BRCA1: variants seen among roughly 807,000 people sequenced by gnomAD.
The protein encoded by BRCA1 is BRCA1 DNA repair associated.
In BRCA1, 140 loss-of-function variants were observed where a neutral mutation model predicts 173.7. The ratio of observed to expected loss-of-function variants is 0.81; its 90% CI spans 0.70 to 0.93. The LOEUF (loss-of-function observed/expected upper bound fraction) is 0.93, where lower values mean the gene tolerates loss of function less well. Ranked by LOEUF, BRCA1 falls within the 40% of genes least tolerant of loss-of-function variation. The pLI, the probability that BRCA1 is intolerant of heterozygous loss-of-function variation, is 0.00. For synonymous variants in BRCA1, 662 were observed against 756.0 expected (o/e 0.88, Z 2.04); for missense variants, 1,983 against 2,172.5 (o/e 0.91, Z 1.73).
chr17:43,163,750 T>C (rs557392293), intron 1 of BRCA1: 1 of 152,210 alleles, frequency 6.6e-6, no homozygotes, highest in African/African-American at 2.4e-5. Context: ...GGCTGACTGA[T>C]TGATAAGCTC....
At chr17:43,140,894 C>T (rs868415767) in intron 1 of BRCA1, among the ~76,000 whole-genome samples, 2 of 152,228 alleles carry the variant, frequency 1.3e-5, no homozygotes, top group African/African-American at 4.8e-5. Flanking sequence ...TCATGTTTGC[C>T]CTAATCAGAC....
rs1057520246 is a variant in BRCA1, at chr17:43,045,674, G to A, written c.*4C>T. On this transcript the variant is annotated 3_prime_UTR_variant, in exon 23 of 23. Coordinates refer to ENST00000357654, the MANE Select transcript of BRCA1 (RefSeq NM_007294.4). ...TGTGGCTCTGTACCTGTGGCTGGCT[G>A]CAGTCAGTAGTGGCTGTGGGGGATC... 3 of 1,613,604 alleles carry A rather than the reference G, an allele frequency of 1.9e-6. No homozygotes were observed. The highest frequency in any genetic ancestry group is 2.5e-6 in the Non-Finnish European group (3 of 1,179,666).
intron 1 of BRCA1, among the ~76,000 whole-genome samples, chr17:43,169,264 C>T (rs1392576013): frequency 4.6e-5 from 7 of 152,160 alleles, no homozygotes; most frequent in African/African-American, 7.2e-5. Flanking sequence ...CTGCAACCTC[C>T]GCCTCCTGGG....
chr17:43,128,665 A>G (rs33925201), upstream of BRCA1, among the ~76,000 whole-genome samples: 48,154 of 151,996 alleles, frequency 0.32, 7,964 homozygotes, highest in South Asian at 0.49. Context: ...CTAGGATGAA[A>G]TCTGCAAGTT....
At chr17:43,082,250 T>C (rs2053030993) in intron 12 of BRCA1, among the ~76,000 whole-genome samples, 154 bp downstream of exon 12, 1 of 152,168 alleles carries the variant, frequency 6.6e-6, no homozygotes, top group African/African-American at 2.4e-5. Context: ...GGTATATTAG[T>C]TGTGAGCAGG....
chr17:43,063,521 G>C (rs45518438), intron 17 of BRCA1, 148 bp from the exon 18 acceptor site: 4 of 707,876 alleles, frequency 5.7e-6, no homozygotes, highest in Non-Finnish European at 1.0e-5. Context: ...CTTTAATAAG[G>C]CTTGTAGCAG....
chr17:43,057,193 G>A (rs2153410241), intron 18 of BRCA1, 58 bp from the exon 19 acceptor site: 1 of 1,536,272 alleles, frequency 6.5e-7, no homozygotes, highest in Non-Finnish European at 9.0e-7. Flanking sequence ...TCCTTCAATG[G>A]AAGTGGAGCA....
rs757442952 is a variant in BRCA1, at chr17:43,115,796, G to C, written c.81-17C>G. The C allele has an allele frequency of 1.7e-5, 27 of 1,607,824 alleles. No individual in the cohort carries two copies. In the Admixed American group the frequency reaches 4.6e-4, roughly 27 times the overall value. ...AACTCCAGACTAGCAGGGTAGGGGGGGAGAAAAAGAAAATAAATGAGGCTC... is the reference window on the plus strand; with the variant it reads ...AACTCCAGACTAGCAGGGTAGGGGGCGAGAAAAAGAAAATAAATGAGGCTC... On this transcript the variant is annotated splice_polypyrimidine_tract_variant and intron_variant, in intron 2 of 22. Coordinates refer to ENST00000357654, the MANE Select transcript of BRCA1 (RefSeq NM_007294.4).
At chr17:43,103,466 CAAAAAAA>C (rs900598227) in intron 6 of BRCA1, among the ~76,000 whole-genome samples, 10 of 64,682 alleles carry the variant, frequency 1.5e-4, no homozygotes, top group South Asian at 5.1e-4. Flanking sequence ...GACTCTGTCT[CAAAAAAA>C]AAAAAAAAAA....
chr17:43,076,242 A>G (rs957534009), intron 13 of BRCA1, among the ~76,000 whole-genome samples: 1 of 152,038 alleles, frequency 6.6e-6, no homozygotes, highest in Non-Finnish European at 1.5e-5. Context: ...TACCTCCATT[A>G]TATTTTTTTC....
At chr17:43,073,936 T>C (rs2052567386) in intron 14 of BRCA1, among the ~76,000 whole-genome samples, 1 of 152,016 alleles carries the variant, frequency 6.6e-6, no homozygotes, top group Non-Finnish European at 1.5e-5. Flanking sequence ...TTTGTATTTT[T>C]AGTAGAGACA....
intron 14 of BRCA1, among the ~76,000 whole-genome samples, chr17:43,072,135 C>A (rs1166454812): frequency 6.6e-6 from 1 of 151,986 alleles, no homozygotes; most frequent in African/African-American, 2.4e-5. Flanking sequence ...GGCCTGTAAT[C>A]CCAGCACTTT....
At chr17:43,104,359 T>C in intron 5 of BRCA1, 98 bp from the exon 6 acceptor site, 1 of 1,348,450 alleles carries the variant, frequency 7.4e-7, no homozygotes. Context: ...TGCTCTTTGT[T>C]GTGTTAAGAC....
chr17:43,164,021 G>T (rs1372645101), intron 1 of BRCA1: 1 of 152,240 alleles, frequency 6.6e-6, no homozygotes, highest in African/African-American at 2.4e-5. Flanking sequence ...TAGTGGAAAG[G>T]GGACAATCTG....
chr17:43,135,509 A>G (rs146531037), intron 1 of BRCA1, among the ~76,000 whole-genome samples: 285 of 152,328 alleles, frequency 1.9e-3, no homozygotes, highest in African/African-American at 6.5e-3. Flanking sequence ...ATCATGTCAT[A>G]AGCCGGTGGA....
chr17:43,065,556 C>T (rs577030447), intron 16 of BRCA1, among the ~76,000 whole-genome samples: 57 of 152,130 alleles, frequency 3.7e-4, no homozygotes, highest in African/African-American at 1.3e-3. Context: ...CCCAGCTACT[C>T]GGGAGGCTGA....
At chr17:43,086,109 T>TACACACACACACACAC (rs376686434) in intron 11 of BRCA1, among the ~76,000 whole-genome samples, 69 of 137,454 alleles carry the variant, frequency 5.0e-4, no homozygotes, top group African/African-American at 1.6e-3. Context: ...ATCACATACA[T>TACACACACACACACAC]ACACACACAC....
At chr17:43,156,904 C>T (rs1294193033) in intron 1 of BRCA1, among the ~76,000 whole-genome samples, 1 of 152,124 alleles carries the variant, frequency 6.6e-6, no homozygotes, top group Admixed American at 6.5e-5. Context: ...AAATGTTCCC[C>T]TTCTAGGTCC....
intron 11 of BRCA1, among the ~76,000 whole-genome samples, chr17:43,084,177 C>T (rs773188144): frequency 6.6e-6 from 1 of 152,116 alleles, no homozygotes; most frequent in Admixed American, 6.6e-5. Flanking sequence ...ATTACAGGCG[C>T]CCGCCACCAT....
Sources: gnomAD v4.1 joint callset for allele counts (sites outside exome capture counted in the v4.1 genomes callset) on GRCh38, gnomAD v4.1.1 for gene constraint, MANE v1.5 for transcripts, NCBI Gene and HGNC (gene_info 2026-07-23, HGNC 2026-07-21) for gene names.